Variants in GNG7 observed in about 807,000 individuals in gnomAD.
The protein encoded by GNG7 is G protein subunit gamma 7, also known as guanine nucleotide-binding protein G(I)/G(S)/G(O) subunit gamma-7.
Under a neutral mutation model 4.0 loss-of-function variants are expected in GNG7, and 1 was observed. The ratio of observed to expected loss-of-function variants is 0.25; its 90% CI spans 0.09 to 1.18. The LOEUF is 1.18. Ranked by LOEUF, GNG7 falls within the 50% of genes most tolerant of loss-of-function variation. The probability of loss-of-function intolerance (pLI) is 0.50; values close to 1 mark genes in which losing one functional copy is unlikely to be tolerated. For synonymous variants in GNG7, 34 were observed against 36.9 expected (o/e 0.92, Z 0.29); for missense variants, 86 against 91.9 (o/e 0.94, Z 0.26).
At chr19:2,522,100 T>C (rs1978311951) in intron 3 of GNG7, among the ~76,000 whole-genome samples, 1 of 152,132 alleles carries the variant, frequency 6.6e-6, no homozygotes, top group South Asian at 2.1e-4. Context: ...TCTGGGACAT[T>C]TGTGGCTGTC....
At chr19:2,650,158 C>T (rs1982772201) in intron 1 of GNG7, among the ~76,000 whole-genome samples, 1 of 149,480 alleles carries the variant, frequency 6.7e-6, no homozygotes, top group South Asian at 2.2e-4. Context: ...GAATCTGCTG[C>T]TGTGAATATT....
At chr19:2,529,134 A>T (rs1024846212) in intron 3 of GNG7, among the ~76,000 whole-genome samples, 2 of 152,200 alleles carry the variant, frequency 1.3e-5, no homozygotes, top group Non-Finnish European at 2.9e-5. Context: ...TCAGATTAAA[A>T]ATCAGCATGG....
intron 2 of GNG7, among the ~76,000 whole-genome samples, chr19:2,627,496 C>T (rs1304504775): frequency 2.6e-5 from 4 of 152,238 alleles, no homozygotes; most frequent in African/African-American, 9.6e-5. Flanking sequence ...GAGCTGGTCA[C>T]AGCTGGCAGC....
In GNG7 at chr19:2,537,640, C is replaced by T. The variant is rs527453091; in HGVS notation, c.-37-16915G>A. Among the ~76,000 whole-genome samples the T allele has an allele frequency of 2.6e-5, 4 of 151,276 alleles. No homozygotes were observed. In the South Asian group the frequency reaches 8.3e-4, roughly 31 times the overall value. On this transcript the variant is annotated intron_variant, in intron 3 of 4. Transcript: ENST00000382159. ...CTCAAAGTGTACGGTTCTGATGGGA[C>T]AGGAAGCTGGAGGCGGGAAACTGGC...
chr19:2,593,742 TA>T (rs753627960), intron 2 of GNG7, among the ~76,000 whole-genome samples: 1,996 of 134,970 alleles, frequency 0.015, 38 homozygotes, highest in African/African-American at 0.044. Context: ...AGACTCCATC[TA>T]AAAAAAAAAA....
chr19:2,562,882 C>G (rs926208281), intron 2 of GNG7, among the ~76,000 whole-genome samples: 7 of 152,316 alleles, frequency 4.6e-5, no homozygotes, highest in African/African-American at 1.4e-4. Flanking sequence ...ACACCATCGG[C>G]CCCATCGGGA....
intron 2 of GNG7, among the ~76,000 whole-genome samples, chr19:2,575,431 A>G (rs1206201172): frequency 6.6e-6 from 1 of 152,226 alleles, no homozygotes; most frequent in African/African-American, 2.4e-5. Context: ...GAAGTGTACA[A>G]AGCAGAACGG....
chr19:2,516,441 C>T (rs776980249), intron 4 of GNG7, among the ~76,000 whole-genome samples: 5 of 152,030 alleles, frequency 3.3e-5, no homozygotes, highest in Non-Finnish European at 5.9e-5. Context: ...CCAGGCTGGT[C>T]TCAAACTCCT....
At chr19:2,604,462 C>A (rs1410687054) in intron 2 of GNG7, among the ~76,000 whole-genome samples, 3 of 134,554 alleles carry the variant, frequency 2.2e-5, no homozygotes, top group Non-Finnish European at 4.6e-5. Context: ...CGGAGCAAGA[C>A]CCTGCTTCAA....
chr19:2,593,124 A>C (rs1467725751), intron 2 of GNG7, among the ~76,000 whole-genome samples: 3 of 152,206 alleles, frequency 2.0e-5, no homozygotes, highest in Non-Finnish European at 2.9e-5. Flanking sequence ...CTGAGGTCAC[A>C]AAAAAGTAAG....
chr19:2,520,557 G>A (rs746935907), intron 4 of GNG7, 51 bp downstream of exon 4: 5 of 1,038,924 alleles, frequency 4.8e-6, no homozygotes, highest in South Asian at 4.1e-5. Flanking sequence ...CATCATTTGC[G>A]GGGCCCCCAA....
intron 2 of GNG7, among the ~76,000 whole-genome samples, chr19:2,625,356 G>A (rs1438102686): frequency 1.3e-5 from 2 of 152,164 alleles, no homozygotes; most frequent in African/African-American, 2.4e-5. Context: ...ATAGGTGTGA[G>A]CCACTGTGCC....
chr19:2,558,825 G>T (rs1031641099), intron 2 of GNG7, among the ~76,000 whole-genome samples: 5 of 146,258 alleles, frequency 3.4e-5, no homozygotes, highest in Non-Finnish European at 7.5e-5. Context: ...TTTGGGACAG[G>T]TGTCATTTTG....
chr19:2,620,733 TG>T (rs1981847037), intron 2 of GNG7, among the ~76,000 whole-genome samples: 1 of 151,768 alleles, frequency 6.6e-6, no homozygotes, highest in East Asian at 1.9e-4. Context: ...CCCAGCTACT[TG>T]GGAGGTTGAG....
intron 2 of GNG7, chr19:2,610,214 G>A (rs1459459108): frequency 1.3e-5 from 2 of 151,876 alleles, no homozygotes; most frequent in East Asian, 1.9e-4. Flanking sequence ...AGACTGGAGT[G>A]CAGTGGTGCA....
At chr19:2,543,514 C>A (rs947977261) in intron 3 of GNG7, among the ~76,000 whole-genome samples, 2 of 152,208 alleles carry the variant, frequency 1.3e-5, no homozygotes, top group African/African-American at 2.4e-5. Flanking sequence ...CATGAACCCC[C>A]GCTCCCGGCC....
At chr19:2,575,351 G>A (rs543502502) in intron 2 of GNG7, among the ~76,000 whole-genome samples, 3 of 152,158 alleles carry the variant, frequency 2.0e-5, no homozygotes, top group South Asian at 2.1e-4. Context: ...CTGTGATTAC[G>A]GGTGTGAGCC....
intron 3 of GNG7, 44 bp downstream of exon 3, chr19:2,555,105 A>T (rs1979504149): frequency 6.6e-6 from 1 of 152,168 alleles, no homozygotes; most frequent in African/African-American, 2.4e-5. Flanking sequence ...TTTCTAAAAA[A>T]CAAGAGATTC....
At chr19:2,576,060 C>G (rs1980328117) in intron 2 of GNG7, among the ~76,000 whole-genome samples, 1 of 149,104 alleles carries the variant, frequency 6.7e-6, no homozygotes. Flanking sequence ...TGCTCACACT[C>G]AGGTACACGC....
Sources: gnomAD v4.1 joint callset for allele counts (sites outside exome capture counted in the v4.1 genomes callset) on GRCh38, gnomAD v4.1.1 for gene constraint, MANE v1.5 for transcripts, NCBI Gene and HGNC (gene_info 2026-07-23, HGNC 2026-07-21) for gene names.